The following PDE6B variants were observed in gnomAD, a reference collection of about 807,000 sequenced individuals.
PDE6B encodes rod cGMP-specific 3',5'-cyclic phosphodiesterase subunit beta.
Under a neutral mutation model 109.0 loss-of-function variants are expected in PDE6B, and 106 were observed. The ratio of observed to expected loss-of-function variants is 0.97; its 90% CI spans 0.83 to 1.14. The LOEUF is 1.14. PDE6B is among the 50% of genes most tolerant of loss of function. PDE6B has a pLI of 0.00. For missense variants in PDE6B, 1,193 were observed against 1,155.6 expected, an observed-to-expected ratio of 1.03 and a Z score of -0.47; for synonymous variants, 490 against 471.3, an observed-to-expected ratio of 1.04 and a Z score of -0.51.
chr4:626,170 C>G lies in PDE6B; in HGVS notation c.468+76C>G, dbSNP rs1397522688. Reference sequence around the variant, plus strand: ...TGTCCCAGGTGTCTAAGGGTCAGCTCGGATCCTCAGGCCTCCAGGGAGGCC... The same window carrying G: ...TGTCCCAGGTGTCTAAGGGTCAGCTGGGATCCTCAGGCCTCCAGGGAGGCC... On this transcript the variant is annotated intron_variant, in intron 1 of 21. Transcript: ENST00000496514. This position sits in a 1 kb window ranked among gnomAD's most constrained non-coding sequence, Gnocchi z 4.6. 2 of 931,442 alleles carry G rather than the reference C, an allele frequency of 2.1e-6. No homozygotes were observed. The highest frequency in any genetic ancestry group is 2.6e-5 in the East Asian group (1 of 38,258). The allele number at this position is 931,442 out of a possible 1,614,324, so 57.7% of individuals were successfully genotyped here.
Position 626,129 on chromosome 4 carries a change from G to A in PDE6B, c.468+35G>A, listed in dbSNP as rs1348838536. On this transcript the variant is annotated intron_variant, in intron 1 of 21. Transcript: ENST00000496514. The surrounding 1 kb of genome is among the most constrained non-coding windows in gnomAD (Gnocchi z 4.6). ...TGCGGAGCCTCAGGGAGGCGGCTGT[G>A]TGCATCTCTTGCACCTGTCCCAGGT... 2 of 1,286,458 alleles carry A rather than the reference G, an allele frequency of 1.6e-6. No individual in the cohort carries two copies. Among genetic ancestry groups the A allele is most frequent in the East Asian group, 2.5e-5 (1 of 40,232 alleles). The allele number at this position is 1,286,458 out of a possible 1,614,324, so 79.7% of individuals were successfully genotyped here.
Position 657,398 on chromosome 4 carries a change from C to T in PDE6B, c.1305C>T (p.Tyr435=), listed in dbSNP as rs764993920. The T allele has an allele frequency of 2.5e-6, 4 of 1,613,000 alleles. No homozygotes were observed. Among genetic ancestry groups the T allele is most frequent in the East Asian group, 2.2e-5 (1 of 44,888 alleles). The change falls in exon 10 of 22, where the codon TAC becomes TAT. Residue 435 remains tyrosine, a synonymous_variant. Transcript: ENST00000496514. ...GGTCAGTGATGAACACCGACACCTACGACAAGATGAACAAGCTGGAGAACC... is the reference window on the plus strand; with the variant it reads ...GGTCAGTGATGAACACCGACACCTATGACAAGATGAACAAGCTGGAGAACC... ...LGWSVMNTDT[Y]DKMNKLENRK...
intron 20 of PDE6B, among the ~76,000 whole-genome samples, chr4:667,578 C>T (rs767733807): frequency 1.1e-4 from 16 of 152,206 alleles, no homozygotes; most frequent in Non-Finnish European, 2.1e-4. Context: ...CACCCTGCCC[C>T]CACCCCCTGA....
intron 9 of PDE6B, 127 bp downstream of exon 9, chr4:657,150 C>T (rs778978668): frequency 1.1e-5 from 13 of 1,198,040 alleles, no homozygotes; most frequent in South Asian, 6.2e-5. Flanking sequence ...GGTATGCATG[C>T]GGCCAGGGAG....
At position 660,492 on chromosome 4, in the gene PDE6B, C is replaced by T. The variant is rs767744209; in HGVS notation, c.1493C>T (p.Thr498Ile). The part of the protein sequence containing the change: ...ILKEELPGPT[T>I]FDIYEFHFSD... Reference sequence around the variant, plus strand: ...AAGGAGGAGCTGCCAGGGCCCACCACATTTGACATCTACGAATTCCACTTC... The same window carrying T: ...AAGGAGGAGCTGCCAGGGCCCACCATATTTGACATCTACGAATTCCACTTC... The change falls in exon 12 of 22, where the codon ACA becomes ATA. Residue 498 changes from threonine to isoleucine, a missense_variant. Thr to Ile is a moderately conservative substitution (Grantham distance 89). Transcript: ENST00000496514. 5.6e-6 allele frequency: 9 copies of T among 1,613,948 alleles called. No individual in the cohort carries two copies. Among genetic ancestry groups the T allele is most frequent in the Non-Finnish European group, 6.8e-6 (8 of 1,179,952 alleles).
chr4:657,215 C>A, intron 9 of PDE6B, 136 bp from the exon 10 acceptor site: 2 of 1,172,598 alleles, frequency 1.7e-6, no homozygotes, highest in Non-Finnish European at 2.5e-6. Flanking sequence ...ACCCGGGAGA[C>A]CCCACACAGA....
intron 1 of PDE6B, 42 bp from the exon 2 acceptor site, chr4:634,635 C>G: frequency 1.3e-6 from 2 of 1,560,650 alleles, no homozygotes; most frequent in Non-Finnish European, 1.8e-6. Flanking sequence ...TCCAGGCCCA[C>G]GGTGCGACAG....
intron 1 of PDE6B, among the ~76,000 whole-genome samples, chr4:627,981 C>T (rs139500663): frequency 1.3e-5 from 2 of 152,080 alleles, no homozygotes; most frequent in Admixed American, 1.3e-4. Flanking sequence ...GCCACCCCCA[C>T]CCCCAGTGCC....
intron 5 of PDE6B, chr4:654,548 C>T (rs569868734): frequency 9.2e-5 from 55 of 600,518 alleles, no homozygotes; most frequent in African/African-American, 1.8e-4. Context: ...ATGTAAACCG[C>T]GGCGTGTGAT....
At chr4:637,349 T>A (rs1734739302) in intron 3 of PDE6B, among the ~76,000 whole-genome samples, 2 of 151,984 alleles carry the variant, frequency 1.3e-5, no homozygotes, top group African/African-American at 4.8e-5. Context: ...GCCTCCCGAG[T>A]AGCTGGGATC....
intron 21 of PDE6B, among the ~76,000 whole-genome samples, chr4:669,415 C>T (rs1306882270): frequency 3.9e-4 from 51 of 131,562 alleles, no homozygotes; most frequent in African/African-American, 1.6e-3. Flanking sequence ...ATGCTATTCC[C>T]GCTACCCCAT....
chr4:628,775 C>A (rs552759933), intron 1 of PDE6B, among the ~76,000 whole-genome samples: 1 of 152,196 alleles, frequency 6.6e-6, no homozygotes, highest in African/African-American at 2.4e-5. Context: ...GGAGCCCAGG[C>A]GGTGCCAGGC....
At chr4:654,242 G>A in intron 5 of PDE6B, 88 bp downstream of exon 5, 1 of 1,229,338 alleles carries the variant, frequency 8.1e-7, no homozygotes, top group Non-Finnish European at 1.2e-6. Flanking sequence ...AGGGATAGGG[G>A]TGGGGTTTAG....
intron 1 of PDE6B, among the ~76,000 whole-genome samples, chr4:627,888 C>T (rs1734193844): frequency 6.6e-6 from 1 of 152,048 alleles, no homozygotes; most frequent in South Asian, 2.1e-4. Flanking sequence ...CTCTTCCCTG[C>T]TCTGCGGGTC....
chr4:656,862 C>A lies in PDE6B; in HGVS notation c.1108-12C>A, dbSNP rs1450031296. The A allele has an allele frequency of 6.2e-7, 1 of 1,612,430 alleles. No individual in the cohort carries two copies. Among genetic ancestry groups the A allele is most frequent in the Non-Finnish European group, 8.5e-7 (1 of 1,179,718 alleles). On this transcript the variant is annotated splice_polypyrimidine_tract_variant and intron_variant, in intron 8 of 21. Coordinates refer to ENST00000496514, the MANE Select transcript of PDE6B (RefSeq NM_000283.4). ...TCAGGGCGGAGCTCAGCTCTGGACA[C>A]CGCTCCCGCAGGAAGGGGCCCTGGA...
At chr4:642,394 T>C (rs1037255591) in intron 3 of PDE6B, among the ~76,000 whole-genome samples, 3 of 151,990 alleles carry the variant, frequency 2.0e-5, no homozygotes, top group African/African-American at 7.3e-5. Flanking sequence ...GAAAATCGCT[T>C]GAACCTGGGA....
At chr4:656,401 C>T in intron 8 of PDE6B, 109 bp downstream of exon 8, 1 of 810,640 alleles carries the variant, frequency 1.2e-6, no homozygotes, top group Non-Finnish European at 2.2e-6. Flanking sequence ...CAACTTCAGC[C>T]AGGCATGGTG....
chr4:657,953 G>A (rs1736531215), intron 10 of PDE6B, among the ~76,000 whole-genome samples: 1 of 144,130 alleles, frequency 6.9e-6, no homozygotes. Flanking sequence ...GGGGTCACAG[G>A]GGTCATGGCT....
intron 10 of PDE6B, among the ~76,000 whole-genome samples, chr4:657,715 G>A (rs1736479373): frequency 6.9e-6 from 1 of 145,496 alleles, no homozygotes; most frequent in Admixed American, 6.8e-5. Flanking sequence ...TCACCCAGGG[G>A]TCACAGCTGT....
Sources: allele counts gnomAD v4.1 joint callset (sites outside exome capture counted in the v4.1 genomes callset), GRCh38; gene constraint gnomAD v4.1.1; non-coding constraint Gnocchi (gnomAD v3.1); transcripts MANE v1.5; gene names NCBI Gene and HGNC (gene_info 2026-07-23, HGNC 2026-07-21).